The following PTPRM variants were observed in gnomAD, a reference collection of about 807,000 sequenced individuals.
The protein encoded by PTPRM is receptor-type tyrosine-protein phosphatase mu.
A neutral mutation model predicts 186.7 loss-of-function variants in PTPRM; 47 were observed. The observed-to-expected ratio is 0.25, with a 90% CI of 0.20 to 0.32. The LOEUF (loss-of-function observed/expected upper bound fraction) is 0.32. Among genes scored for constraint, PTPRM ranks in the 10% least tolerant of loss-of-function variants. The pLI, the probability that PTPRM is intolerant of heterozygous loss-of-function variation, is 1.00. For missense variants in PTPRM, 1,494 were observed against 1,865.0 expected (o/e 0.80, Z 3.66); for synonymous variants, 668 against 674.9 (o/e 0.99, Z 0.16).
rs148176075 is a variant in PTPRM at position 7,687,689 on chromosome 18, A to G, written c.74-86460A>G. ...TTAATGGACAGCAATACCGTACCTC[A>G]TATTTTATGGTAAAGGAGATGGATT... On this transcript the variant is annotated intron_variant, in intron 1 of 32. Coordinates refer to ENST00000580170, the MANE Select transcript of PTPRM (RefSeq NM_001105244.2). 8.4e-3 allele frequency among the ~76,000 whole-genome samples: 1,271 copies of G among 152,202 alleles called. 21 individuals are homozygous for G. Among genetic ancestry groups the G allele is most frequent in the African/African-American group, 0.029 (1,223 of 41,514 alleles).
At chr18:7,575,104 T>C (rs35553460) in intron 1 of PTPRM, among the ~76,000 whole-genome samples, 7 of 152,224 alleles carry the variant, frequency 4.6e-5, no homozygotes, top group Non-Finnish European at 1.0e-4. Context: ...TATCCTAAAA[T>C]TGAGCCTAAT....
At chr18:7,713,828 A>AT (rs1207181921) in intron 1 of PTPRM, among the ~76,000 whole-genome samples, 8 of 152,170 alleles carry the variant, frequency 5.3e-5, no homozygotes, top group Non-Finnish European at 1.2e-4. Context: ...AGAGCTAACT[A>AT]TCCTAAATGT....
At chr18:8,232,387 GT>G (rs1335773553) in intron 14 of PTPRM, among the ~76,000 whole-genome samples, 1 of 152,216 alleles carries the variant, frequency 6.6e-6, no homozygotes, top group East Asian at 1.9e-4. Context: ...CAAATTGTCA[GT>G]TATGGATAAA....
chr18:7,743,775 A>G (rs1355061253), intron 1 of PTPRM, among the ~76,000 whole-genome samples: 2 of 152,204 alleles, frequency 1.3e-5, no homozygotes, highest in Non-Finnish European at 2.9e-5. Context: ...AGAGAAACCT[A>G]TGCTTGTTCC....
chr18:7,632,571 T>C (rs1222370280), intron 1 of PTPRM, among the ~76,000 whole-genome samples: 2 of 152,194 alleles, frequency 1.3e-5, no homozygotes, highest in African/African-American at 4.8e-5. Flanking sequence ...GCTCAGACAC[T>C]GTCCAAGTTG....
intron 1 of PTPRM, among the ~76,000 whole-genome samples, chr18:7,613,410 C>T (rs985745488): frequency 2.6e-5 from 4 of 152,178 alleles, no homozygotes; most frequent in African/African-American, 9.7e-5. Context: ...CGCGGTGGCT[C>T]ACGCCTGTAA....
At chr18:7,965,685 A>G (rs1460025270) in intron 7 of PTPRM, among the ~76,000 whole-genome samples, 1 of 152,144 alleles carries the variant, frequency 6.6e-6, no homozygotes, top group Non-Finnish European at 1.5e-5. Context: ...CTCTTGACTT[A>G]CCAGGTATGT....
At chr18:8,083,436 C>T (rs2090257649) in intron 9 of PTPRM, among the ~76,000 whole-genome samples, 1 of 152,124 alleles carries the variant, frequency 6.6e-6, no homozygotes, top group Admixed American at 6.6e-5. Context: ...GCATGATTAA[C>T]TCCTTGGGAA....
chr18:8,332,025 A>G (rs1377797299), intron 22 of PTPRM, among the ~76,000 whole-genome samples: 1 of 152,226 alleles, frequency 6.6e-6, no homozygotes, highest in South Asian at 2.1e-4. Context: ...CTTCATTGAA[A>G]GCAGTTCCTG....
chr18:8,254,004 C>T (rs9807775), intron 19 of PTPRM, among the ~76,000 whole-genome samples: 49,776 of 151,810 alleles, frequency 0.33, 8,379 homozygotes, highest in Admixed American at 0.41. Flanking sequence ...CTTGGCTTTT[C>T]CTGTAATTAT....
At chr18:7,934,062 G>A (rs759015939) in intron 5 of PTPRM, among the ~76,000 whole-genome samples, 4 of 152,050 alleles carry the variant, frequency 2.6e-5, no homozygotes, top group Admixed American at 6.5e-5. Flanking sequence ...CACATTAAAC[G>A]TTATAGACAT....
At chr18:8,141,363 C>T (rs1339642250) in intron 13 of PTPRM, among the ~76,000 whole-genome samples, 1 of 152,118 alleles carries the variant, frequency 6.6e-6, no homozygotes, top group Non-Finnish European at 1.5e-5. Flanking sequence ...CTGTGTCAGG[C>T]CAAGATAGAA....
chr18:8,005,103 T>G (rs1222498301), intron 7 of PTPRM, among the ~76,000 whole-genome samples: 1 of 152,200 alleles, frequency 6.6e-6, no homozygotes, highest in Non-Finnish European at 1.5e-5. Flanking sequence ...CAGAACTTAT[T>G]TAAAGAATGG....
At chr18:8,306,038 C>G (rs908412151) in intron 20 of PTPRM, among the ~76,000 whole-genome samples, 4 of 152,016 alleles carry the variant, frequency 2.6e-5, no homozygotes, top group Non-Finnish European at 4.4e-5. Flanking sequence ...GCTGGGATTA[C>G]AGGCGCGCAT....
At position 7,832,005 on chromosome 18, in the gene PTPRM, G is replaced by A. The variant is rs535175457; in HGVS notation, c.197-56101G>A. On this transcript the variant is annotated intron_variant, in intron 2 of 32. Transcript: ENST00000580170. ...GTACTCCATTGTGTATAAGTACCAC[G>A]TTTTCCTTATCCATCCTTCTGTTGA... Among the ~76,000 whole-genome samples the A allele has an allele frequency of 9.9e-5, 15 of 152,208 alleles. No homozygotes were observed. The East Asian group carries it at 1.7e-3, about 18-fold the overall frequency.
intron 19 of PTPRM, chr18:8,270,080 T>C (rs987570980): frequency 2.0e-5 from 3 of 152,106 alleles, no homozygotes; most frequent in East Asian, 1.9e-4. Context: ...AAGTAGCAAG[T>C]AGGTTTATAT....
intron 14 of PTPRM, among the ~76,000 whole-genome samples, chr18:8,193,423 T>C (rs2093734143): frequency 6.6e-6 from 1 of 152,124 alleles, no homozygotes; most frequent in Non-Finnish European, 1.5e-5. Flanking sequence ...ATTTTATACT[T>C]TCCAGTATAA....
At chr18:8,241,396 AATTAT>A (rs141080909) in intron 14 of PTPRM, among the ~76,000 whole-genome samples, 36,230 of 151,908 alleles carry the variant, frequency 0.24, 4,995 homozygotes, top group African/African-American at 0.37. Flanking sequence ...ATTTGGTGAT[AATTAT>A]ATTATAACTT....
chr18:8,264,145 A>T (rs941823630), intron 19 of PTPRM, among the ~76,000 whole-genome samples: 2 of 152,170 alleles, frequency 1.3e-5, no homozygotes, highest in Non-Finnish European at 2.9e-5. Context: ...TTGGTGTGGA[A>T]AAATCCTGCA....
Sources: allele counts gnomAD v4.1 joint callset (sites outside exome capture counted in the v4.1 genomes callset), GRCh38; gene constraint gnomAD v4.1.1; transcripts MANE v1.5; gene names NCBI Gene and HGNC (gene_info 2026-07-23, HGNC 2026-07-21).